The following TNRC6B variants were observed in gnomAD, a reference collection of about 807,000 sequenced individuals.
TNRC6B encodes trinucleotide repeat containing adaptor 6B, also known as trinucleotide repeat-containing gene 6B protein.
A neutral mutation model predicts 203.6 loss-of-function variants in TNRC6B; 52 were observed. The observed-to-expected ratio is 0.26, with a 90% CI of 0.20 to 0.32. The LOEUF (loss-of-function observed/expected upper bound fraction) is 0.32. TNRC6B is among the 10% of genes least tolerant of loss of function. The probability of loss-of-function intolerance (pLI) is 1.00; values close to 1 mark genes in which losing one functional copy is unlikely to be tolerated. For missense variants in TNRC6B, 1,923 were observed against 2,286.2 expected (o/e 0.84, Z 3.24); for synonymous variants, 838 against 845.7 (o/e 0.99, Z 0.16).
chr22:40,308,664 GA>G lies in TNRC6B; in HGVS notation c.4258+18del. ...GCACAAAAATGGTAAGAGAAGCACT[GA>G]AAGCTAGAGCCCCCAACCCACAGCA... On this transcript the variant is annotated intron_variant, in intron 16 of 22. Transcript: ENST00000454349. 1.2e-6 allele frequency: 2 copies of G among 1,604,308 alleles called. No homozygotes were observed. The highest frequency in any genetic ancestry group is 1.7e-6 in the Non-Finnish European group (2 of 1,174,960).
At position 40,308,507 on chromosome 22, in the gene TNRC6B, T is replaced by C. The variant is rs1469631490; in HGVS notation, c.4121-5T>C. 5 of 1,613,810 alleles carry C rather than the reference T, an allele frequency of 3.1e-6. No homozygotes were observed. Among genetic ancestry groups the C allele is most frequent in the Non-Finnish European group, 3.4e-6 (4 of 1,179,848 alleles). Reference sequence around the variant, plus strand: ...ACTTATAAAATGTGGTCTTCTCCTTTTTAGGCTTCAGCTCTGGCGGCATGG... The same window carrying C: ...ACTTATAAAATGTGGTCTTCTCCTTCTTAGGCTTCAGCTCTGGCGGCATGG... On this transcript the variant is annotated splice_region_variant and splice_polypyrimidine_tract_variant and intron_variant, in intron 15 of 22. Transcript: ENST00000454349.
At chr22:40,125,367 A>G (rs1042776812) in intron 2 of TNRC6B, among the ~76,000 whole-genome samples, 6 of 152,326 alleles carry the variant, frequency 3.9e-5, no homozygotes, top group African/African-American at 1.4e-4. Context: ...GCCTTAGCCT[A>G]ATACCCAGGC....
At chr22:40,246,168 G>T in intron 2 of TNRC6B, 66 bp downstream of exon 2, 2 of 1,273,220 alleles carry the variant, frequency 1.6e-6, no homozygotes, top group South Asian at 1.4e-5. Flanking sequence ...ACAAGAAACT[G>T]TCTTGGCTTG....
At chr22:40,075,156 ATTTTTTTTT>A (rs58240994) in intron 1 of TNRC6B, among the ~76,000 whole-genome samples, 8 of 35,558 alleles carry the variant, frequency 2.2e-4, no homozygotes, top group East Asian at 7.5e-4. Flanking sequence ...ATATATATAT[ATTTTTTTTT>A]TTTTTTTTTT....
At chr22:40,240,777 T>G (rs2070017438) in intron 1 of TNRC6B, among the ~76,000 whole-genome samples, 1 of 152,192 alleles carries the variant, frequency 6.6e-6, no homozygotes, top group African/African-American at 2.4e-5. Context: ...AGGACCCACC[T>G]AGTCACCTGG....
intron 1 of TNRC6B, 136 bp downstream of exon 1, chr22:40,178,276 AT>A: frequency 3.1e-6 from 3 of 982,970 alleles, no homozygotes; most frequent in Non-Finnish European, 4.6e-6. Context: ...ATCTGTGTAA[AT>A]CAGACCCGTG....
intron 21 of TNRC6B, 132 bp downstream of exon 21, chr22:40,316,144 G>A (rs1190094574): frequency 4.3e-6 from 3 of 701,422 alleles, no homozygotes; most frequent in African/African-American, 3.6e-5. Context: ...CACGAGGTCA[G>A]GAGATCAAGA....
chr22:40,058,676 C>T (rs888223190), intron 1 of TNRC6B, among the ~76,000 whole-genome samples: 3 of 152,248 alleles, frequency 2.0e-5, no homozygotes, highest in Non-Finnish European at 4.4e-5. Context: ...AGAGGGGCCC[C>T]TACTTCACCT....
At chr22:40,193,646 G>A (rs932798903) in intron 1 of TNRC6B, among the ~76,000 whole-genome samples, 2 of 152,184 alleles carry the variant, frequency 1.3e-5, no homozygotes, top group Admixed American at 6.5e-5. Flanking sequence ...CCGCAGAGAA[G>A]AGACCTGAGG....
At chr22:40,084,859 C>G (rs994870982) in intron 1 of TNRC6B, among the ~76,000 whole-genome samples, 1 of 152,166 alleles carries the variant, frequency 6.6e-6, no homozygotes. Flanking sequence ...TATGTTAATT[C>G]TAAGTGCCTT....
intron 1 of TNRC6B, among the ~76,000 whole-genome samples, chr22:40,186,224 C>G (rs898582065): frequency 2.0e-5 from 3 of 152,056 alleles, no homozygotes; most frequent in Non-Finnish European, 4.4e-5. Flanking sequence ...ACAGTCATTC[C>G]TCATCACAGA....
chr22:40,320,010 G>A (rs1327645498), intron 21 of TNRC6B, among the ~76,000 whole-genome samples: 1 of 152,160 alleles, frequency 6.6e-6, no homozygotes, highest in Non-Finnish European at 1.5e-5. Flanking sequence ...ATAAAACAAT[G>A]CTAAGAGCAT....
intron 4 of TNRC6B, among the ~76,000 whole-genome samples, chr22:40,263,520 CGGA>C (rs2070420393): frequency 6.6e-6 from 1 of 152,200 alleles, no homozygotes; most frequent in South Asian, 2.1e-4. Flanking sequence ...ATTATTAAAA[CGGA>C]GGAGGCCCCT....
chr22:40,126,003 T>C (rs1212695949), intron 3 of TNRC6B: 6 of 877,132 alleles, frequency 6.8e-6, no homozygotes, highest in Non-Finnish European at 9.9e-6. Flanking sequence ...TTGAGAAATA[T>C]TTTTTCTTTT....
chr22:40,131,724 C>G (rs546541538), intron 3 of TNRC6B, among the ~76,000 whole-genome samples: 6 of 152,286 alleles, frequency 3.9e-5, no homozygotes, highest in Non-Finnish European at 7.4e-5. Flanking sequence ...CAGTTTAGAA[C>G]GAGCTTTTTT....
intron 1 of TNRC6B, among the ~76,000 whole-genome samples, chr22:40,226,144 C>A (rs908943777): frequency 6.6e-6 from 1 of 152,172 alleles, no homozygotes; most frequent in Non-Finnish European, 1.5e-5. Context: ...TATACATTTT[C>A]GTCAAGGTAA....
At chr22:40,220,141 T>A (rs1241217828) in intron 1 of TNRC6B, among the ~76,000 whole-genome samples, 1 of 152,164 alleles carries the variant, frequency 6.6e-6, no homozygotes, top group Admixed American at 6.5e-5. Context: ...AGCATTTCAG[T>A]GTGTCCTAGC....
Position 40,321,086 on chromosome 22 carries a change from T to C in TNRC6B, c.4975-4T>C. 1 of 1,613,958 alleles carries C rather than the reference T, an allele frequency of 6.2e-7. No homozygotes were observed. The highest frequency in any genetic ancestry group is 8.5e-7 in the Non-Finnish European group (1 of 1,179,860). On this transcript the variant is annotated splice_region_variant and splice_polypyrimidine_tract_variant and intron_variant, in intron 21 of 22. Transcript: ENST00000454349. ...TTTATCTCATGAATGTCATTACTCCTTAGATTGATGGGTCAACCTTGAGAA... is the reference window on the plus strand; with the variant it reads ...TTTATCTCATGAATGTCATTACTCCCTAGATTGATGGGTCAACCTTGAGAA...
chr22:40,299,473 A>G (rs926813818), intron 12 of TNRC6B, among the ~76,000 whole-genome samples: 1 of 152,230 alleles, frequency 6.6e-6, no homozygotes, highest in African/African-American at 2.4e-5. Context: ...TCTTGACCTC[A>G]GGTAATCCAC....
Sources: allele counts gnomAD v4.1 joint callset (sites outside exome capture counted in the v4.1 genomes callset), GRCh38; gene constraint gnomAD v4.1.1; transcripts MANE v1.5; gene names NCBI Gene and HGNC (gene_info 2026-07-23, HGNC 2026-07-21).